Variants in ADGRL2 observed in about 807,000 individuals in gnomAD.
ADGRL2 encodes the protein adhesion G protein-coupled receptor L2, also known as calcium-independent alpha-latrotoxin receptor 2.
A neutral mutation model predicts 157.4 loss-of-function variants in ADGRL2; 44 were observed. The observed-to-expected ratio is 0.28, with a 90% CI of 0.22 to 0.36. The LOEUF (loss-of-function observed/expected upper bound fraction) is 0.36, where lower values mean the gene tolerates loss of function less well. ADGRL2 is among the 10% of genes least tolerant of loss of function. The pLI, the probability that ADGRL2 is intolerant of heterozygous loss-of-function variation, is 1.00. For missense variants in ADGRL2, 1,510 were observed against 1,768.9 expected (o/e 0.85, Z 2.63); for synonymous variants, 585 against 624.7 (o/e 0.94, Z 0.95).
intron 1 of ADGRL2, among the ~76,000 whole-genome samples, chr1:81,826,691 C>A (rs181716172): frequency 3.3e-4 from 50 of 152,152 alleles, no homozygotes; most frequent in Admixed American, 1.0e-3. Flanking sequence ...GGTGAAGGCA[C>A]CATTTAAATG....
chr1:81,327,530 T>C (rs1660985016), intron 1 of ADGRL2, among the ~76,000 whole-genome samples: 1 of 152,210 alleles, frequency 6.6e-6, no homozygotes, highest in Non-Finnish European at 1.5e-5. Flanking sequence ...CTATGGGTTT[T>C]AAAGGAATTT....
intron 10 of ADGRL2, among the ~76,000 whole-genome samples, chr1:81,953,801 T>C (rs1257110480): frequency 1.3e-5 from 2 of 152,178 alleles, no homozygotes; most frequent in South Asian, 2.1e-4. Flanking sequence ...AACCTTACTT[T>C]TCAGGGGACC....
intron 2 of ADGRL2, among the ~76,000 whole-genome samples, chr1:81,870,357 AC>A (rs2093660618): frequency 6.6e-6 from 1 of 152,090 alleles, no homozygotes; most frequent in Non-Finnish European, 1.5e-5. Context: ...TAAAATCAAA[AC>A]TAAATATTCC....
rs1558072292 is a variant in ADGRL2 at position 81,993,070 on chromosome 1, TATATATATATATA to T, written c.*1926_*1938del. ...TATATATAATATACATATATATATA[TATATATATATATA>T]TATATTTTTTTTTTTTTTTTTTTTT... On this transcript the variant is annotated 3_prime_UTR_variant, in exon 24 of 24. Coordinates refer to ENST00000686636, the MANE Select transcript of ADGRL2 (RefSeq NM_001366006.2). 1.7e-4 allele frequency among the ~76,000 whole-genome samples: 5 copies of T among 29,128 alleles called. No homozygotes were observed. The highest frequency in any genetic ancestry group is 3.1e-3 in the South Asian group (2 of 652). The allele number at this position is 29,128 out of a possible 152,430, so 19.1% of individuals were successfully genotyped here.
intron 2 of ADGRL2, among the ~76,000 whole-genome samples, chr1:81,504,048 G>A (rs2078914175): frequency 6.6e-6 from 1 of 152,228 alleles, no homozygotes; most frequent in East Asian, 1.9e-4. Context: ...CAGTCCTCAG[G>A]GCCCCAGATC....
rs775087345 is a variant in ADGRL2, at chr1:81,984,691, C to T, written c.3391C>T (p.Arg1131Cys). 12 of 1,612,784 alleles carry T rather than the reference C, an allele frequency of 7.4e-6. No homozygotes were observed. The highest frequency in any genetic ancestry group is 1.7e-4 in the Middle Eastern group (1 of 6,048). The part of the protein sequence containing the change: ...VKASTTRTSA[R>C]YSSGTQSRIR... The stretch of plus-strand genomic sequence containing the variant: ...GGCATCAACCACCAGAACCAGTGCT[C>T]GCTATTCCTCTGGCACACAGGTAAC... The change falls in exon 20 of 24, where the codon CGC (arginine) becomes TGC (cysteine). Residue 1131 changes from arginine (R) to cysteine (C), a missense_variant. This residue lies in a region of ADGRL2 where 497 missense variants were observed against 627.2 expected (regional missense o/e 0.79). Transcript: ENST00000686636.
At chr1:81,889,811 T>C (rs2094214851) in intron 2 of ADGRL2, among the ~76,000 whole-genome samples, 2 of 152,216 alleles carry the variant, frequency 1.3e-5, no homozygotes, top group African/African-American at 4.8e-5. Flanking sequence ...CTGGTGACTT[T>C]AAGTTGAAGC....
At chr1:81,938,608 T>C (rs1161491020) in intron 4 of ADGRL2, among the ~76,000 whole-genome samples, 2 of 151,686 alleles carry the variant, frequency 1.3e-5, no homozygotes, top group Non-Finnish European at 3.0e-5. Flanking sequence ...CAGTAATTAA[T>C]TTGCTGTTAC....
At chr1:81,747,356 A>C (rs1571055793) in intron 1 of ADGRL2, among the ~76,000 whole-genome samples, 1 of 150,052 alleles carries the variant, frequency 6.7e-6, no homozygotes, top group Admixed American at 6.6e-5. Flanking sequence ...GCTGGAGTGC[A>C]ATGGTGTGAT....
intron 11 of ADGRL2, among the ~76,000 whole-genome samples, chr1:81,958,120 G>T (rs922353300): frequency 2.0e-5 from 3 of 150,158 alleles, no homozygotes; most frequent in African/African-American, 7.5e-5. Flanking sequence ...AGCCAGGCGT[G>T]GTGGGGGGTG....
At chr1:81,825,007 T>C (rs2091337714) in intron 1 of ADGRL2, among the ~76,000 whole-genome samples, 1 of 146,836 alleles carries the variant, frequency 6.8e-6, no homozygotes, top group East Asian at 2.2e-4. Context: ...CAATTACCAT[T>C]CCCCTTTCAT....
At chr1:81,851,441 A>C (rs1571670116) in intron 2 of ADGRL2, among the ~76,000 whole-genome samples, 1 of 151,856 alleles carries the variant, frequency 6.6e-6, no homozygotes, top group African/African-American at 2.4e-5. Context: ...CATTTCGAAA[A>C]TTCTTGTGAT....
intron 3 of ADGRL2, among the ~76,000 whole-genome samples, chr1:81,613,481 C>A (rs7520879): frequency 6.6e-6 from 1 of 151,852 alleles, no homozygotes; most frequent in African/African-American, 2.4e-5. Flanking sequence ...GTGCTCTGAG[C>A]GTGCTGTTAG....
intron 1 of ADGRL2, among the ~76,000 whole-genome samples, chr1:81,374,192 C>G (rs910614545): frequency 8.5e-5 from 13 of 152,148 alleles, no homozygotes; most frequent in Non-Finnish European, 2.9e-5. Context: ...TCCATTTACC[C>G]AGTTATTGAC....
chr1:81,881,475 C>G (rs952028510), intron 2 of ADGRL2, among the ~76,000 whole-genome samples: 4 of 152,162 alleles, frequency 2.6e-5, no homozygotes, highest in African/African-American at 9.7e-5. Flanking sequence ...CAAGCCTGGT[C>G]GTACTTCAAA....
intron 2 of ADGRL2, among the ~76,000 whole-genome samples, chr1:81,547,598 G>A (rs879702127): frequency 3.9e-5 from 6 of 152,098 alleles, no homozygotes; most frequent in South Asian, 2.1e-4. Context: ...TTTGTCTGGC[G>A]GCTTCTCAAT....
chr1:81,319,204 C>T (rs1187581329), intron 1 of ADGRL2, among the ~76,000 whole-genome samples: 1 of 151,958 alleles, frequency 6.6e-6, no homozygotes, highest in Non-Finnish European at 1.5e-5. Context: ...GCCTCGGCCT[C>T]CCAAAGTGCT....
chr1:81,403,217 C>T (rs1461364185), intron 1 of ADGRL2, among the ~76,000 whole-genome samples: 1 of 98,486 alleles, frequency 1.0e-5, no homozygotes, highest in Non-Finnish European at 2.2e-5. Flanking sequence ...ATGTACGTAA[C>T]ACTTTTCCTT....
At chr1:81,895,347 C>T (rs1486035480) in intron 2 of ADGRL2, among the ~76,000 whole-genome samples, 1 of 148,168 alleles carries the variant, frequency 6.7e-6, no homozygotes, top group Non-Finnish European at 1.5e-5. Flanking sequence ...GGAACTCTTT[C>T]ATTCATCTAC....
Sources: allele counts gnomAD v4.1 joint callset (sites outside exome capture counted in the v4.1 genomes callset), GRCh38; gene constraint gnomAD v4.1.1; regional missense constraint gnomAD v4.1.1; transcripts MANE v1.5; gene names NCBI Gene and HGNC (gene_info 2026-07-23, HGNC 2026-07-21).